Variants in SPTA1 observed in about 807,000 individuals in gnomAD.
SPTA1 encodes the protein spectrin alpha chain, erythrocytic 1.
Under a neutral mutation model 324.7 loss-of-function variants are expected in SPTA1, and 177 were observed. The ratio of observed to expected loss-of-function variants is 0.55; its 90% CI spans 0.48 to 0.62. SPTA1 has a LOEUF of 0.62. SPTA1 is among the 20% of genes least tolerant of loss of function. The pLI, the probability that SPTA1 is intolerant of heterozygous loss-of-function variation, is 0.00. For synonymous variants in SPTA1, 1,195 were observed against 1,041.3 expected (o/e 1.15, Z -2.84); for missense variants, 3,162 against 2,883.6 (o/e 1.10, Z -2.21).
chr1:158,685,381 T>C (rs987799106), intron 1 of SPTA1, 34 bp from the exon 2 acceptor site: 3 of 1,608,616 alleles, frequency 1.9e-6, no homozygotes, highest in Non-Finnish European at 1.7e-6. Flanking sequence ...ACTTGCTAGT[T>C]CTCAAATATT....
Position 158,678,480 on chromosome 1 carries a change from C to G in SPTA1, c.733G>C (p.Ala245Pro). ...IQSKQNEVNA[A>P]WERLRGLALQ... Reference sequence around the variant, plus strand: ...GCCAAACCACGAAGGCGCTCCCAGGCAGCATTCACCTCATTTTGCTTAGAC... The same window carrying G: ...GCCAAACCACGAAGGCGCTCCCAGGGAGCATTCACCTCATTTTGCTTAGAC... Residue 245 changes from alanine (A) to proline (P), a missense_variant, in exon 6 of 52, where the codon GCC (alanine) becomes CCC (proline). Transcript: ENST00000643759. 1 of 1,613,736 alleles carries G rather than the reference C, an allele frequency of 6.2e-7. No individual in the cohort carries two copies. The highest frequency in any genetic ancestry group is 1.1e-5 in the South Asian group (1 of 91,078).
chr1:158,681,500 G>C (rs1654805335), intron 4 of SPTA1, 27 bp downstream of exon 4: 1 of 1,613,392 alleles, frequency 6.2e-7, no homozygotes, highest in Non-Finnish European at 8.5e-7. Flanking sequence ...GGGAGGCCCT[G>C]TGTGATTGCT....
chr1:158,612,305 C>T, intron 51 of SPTA1: 1 of 183,140 alleles, frequency 5.5e-6, no homozygotes, highest in Non-Finnish European at 1.1e-5. Context: ...TTCCCTGATG[C>T]AAGTATTTTA....
In SPTA1 at chr1:158,671,420, G is replaced by A. The variant is rs1416164852; in HGVS notation, c.1522C>T (p.Leu508=). Residue 508 remains leucine, a synonymous_variant, in exon 12 of 52, where the codon CTG becomes TTG. Coordinates refer to ENST00000643759, the MANE Select transcript of SPTA1 (RefSeq NM_003126.4). ...FLENEDLGNS[L]GSAEALLQKH... ...TGAAGAAGGGCTTCTGCACTGCCCA[G>A]TGAGTTTCCCAGATCCTCGTTTTCC... The A allele has an allele frequency of 3.7e-6, 6 of 1,613,074 alleles. No individual in the cohort carries two copies. The African/African-American group carries it at 8.0e-5, about 22-fold the overall frequency.
rs765768719 is a variant in SPTA1 at position 158,651,371 on chromosome 1, C to A, written c.3473G>T (p.Arg1158Leu). Residue 1158 changes from arginine to leucine, a missense_variant, in exon 24 of 52, where the codon CGG becomes CTG. By Grantham distance (102) the Arg-to-Leu change is moderately radical. Transcript: ENST00000643759. The stretch of plus-strand genomic sequence containing the variant: ...AATGGAGGGAGCCTTAGTTACCTGC[C>A]GGATTTGAGCTCCTTCTGGTGTTAG... ...GLLTPEGAQIRQELNSRWGSL... is the reference protein window; with the variant it reads ...GLLTPEGAQILQELNSRWGSL... 6.2e-7 allele frequency: 1 copy of A among 1,612,000 alleles called. No homozygotes were observed. The highest frequency in any genetic ancestry group is 1.1e-5 in the South Asian group (1 of 91,008).
chr1:158,685,085 G>A (rs1655069170), intron 2 of SPTA1, 23 bp downstream of exon 2: 6 of 1,613,304 alleles, frequency 3.7e-6, no homozygotes, highest in East Asian at 2.2e-5. Flanking sequence ...TCTGCTCTGA[G>A]GCAATCAAGA....
At chr1:158,661,050 T>G (rs557542821) in intron 18 of SPTA1, among the ~76,000 whole-genome samples, 1 of 152,294 alleles carries the variant, frequency 6.6e-6, no homozygotes, top group African/African-American at 2.4e-5. Context: ...TAAAGACATT[T>G]TACTTTAATA....
chr1:158,672,234 T>C (rs765113594), intron 10 of SPTA1, 38 bp from the exon 11 acceptor site: 2 of 1,557,176 alleles, frequency 1.3e-6, no homozygotes, highest in South Asian at 2.3e-5. Flanking sequence ...GGAAGATAAT[T>C]AATTTATTTT....
At chr1:158,647,763 C>T in intron 26 of SPTA1, 43 bp from the exon 27 acceptor site, 2 of 1,609,250 alleles carry the variant, frequency 1.2e-6, no homozygotes, top group East Asian at 2.2e-5. Flanking sequence ...TAGAGACACA[C>T]CTGAATCTTA....
intron 1 of SPTA1, 45 bp downstream of exon 1, chr1:158,686,449 A>G (rs1655182164): frequency 1.5e-6 from 2 of 1,299,288 alleles, no homozygotes; most frequent in East Asian, 2.3e-5. Flanking sequence ...CATCTTTCCT[A>G]ATAATATTAA....
At chr1:158,650,070 T>A in intron 24 of SPTA1, 123 bp from the exon 25 acceptor site, 2 of 761,342 alleles carry the variant, frequency 2.6e-6, no homozygotes, top group South Asian at 1.6e-5. Context: ...AGAAATTGCA[T>A]AGCTTTGCTT....
intron 29 of SPTA1, 33 bp from the exon 30 acceptor site, chr1:158,644,429 AGTCCAT>A (rs1424598322): frequency 6.2e-7 from 1 of 1,613,282 alleles, no homozygotes; most frequent in African/African-American, 1.3e-5. Flanking sequence ...GGTATGGTAT[AGTCCAT>A]GTGGTGTGGA....
At chr1:158,684,348 G>T (rs1033604082) in intron 2 of SPTA1, among the ~76,000 whole-genome samples, 2 of 152,020 alleles carry the variant, frequency 1.3e-5, no homozygotes, top group East Asian at 1.9e-4. Flanking sequence ...TGAGAAGAGT[G>T]GAGGACAGTT....
chr1:158,634,791 C>T lies in SPTA1; in HGVS notation c.5433-116G>A. On this transcript the variant is annotated intron_variant, in intron 38 of 51. Coordinates refer to ENST00000643759, the MANE Select transcript of SPTA1 (RefSeq NM_003126.4). ...CCAGCTTATTCTCACAAGGCAGCCA[C>T]AGTTGAAGTGGGCCTCAACACAGTA... is the stretch of plus-strand genomic sequence containing the variant. 12 of 1,237,858 alleles carry T rather than the reference C, an allele frequency of 9.7e-6. 1 individual carries two copies. Among genetic ancestry groups the T allele is most frequent in the African/African-American group, 1.5e-5 (1 of 67,620 alleles). 76.7% of individuals were successfully genotyped at this position (1,237,858 alleles called of 1,614,324 possible).
In SPTA1 at chr1:158,634,651, T is replaced by C. The variant is rs186994154; in HGVS notation, c.5457A>G (p.Leu1819=). ...KARGLKLEES[L]EYLQFMQNAE... is the part of the protein sequence containing the mutation. ...CATTCTGCATGAATTGCAAGTATTC[T>C]AGGGATTCTTCCAACTTAAGTCCTC... is the stretch of plus-strand genomic sequence containing the variant. The change falls in exon 39 of 52, where the codon CTA becomes CTG. Residue 1819 remains leucine (L), a synonymous_variant. Transcript: ENST00000643759. 1.7e-4 allele frequency: 273 copies of C among 1,614,178 alleles called. No individual in the cohort carries two copies. The African/African-American group carries it at 3.1e-3, about 18-fold the overall frequency.
chr1:158,681,965 T>G (rs186665739), intron 3 of SPTA1, among the ~76,000 whole-genome samples: 1 of 152,182 alleles, frequency 6.6e-6, no homozygotes, highest in African/African-American at 2.4e-5. Context: ...AAGTGTTCAT[T>G]TGAACTGAGC....
chr1:158,653,328 C>T lies in SPTA1; in HGVS notation c.3134G>A (p.Arg1045Gln), dbSNP rs202042176. 5.0e-6 allele frequency: 8 copies of T among 1,614,074 alleles called. No homozygotes were observed. The highest frequency in any genetic ancestry group is 1.3e-5 in the African/African-American group (1 of 74,990). The change falls in exon 22 of 52, where the codon CGG becomes CAG. Residue 1045 changes from arginine (R) to glutamine (Q), a missense_variant. Transcript: ENST00000643759. ...GATGTTTCCTGGCTCTTCTCGTCGC[C>T]GCTGTGGGAGCATCGGGAACTCATC... is the stretch of plus-strand genomic sequence containing the variant. ...AHDEFPMLPQ[R>Q]RREEPGNITQ...
chr1:158,617,738 C>T, intron 46 of SPTA1, 150 bp from the exon 47 acceptor site: 1 of 796,698 alleles, frequency 1.3e-6, no homozygotes, highest in South Asian at 1.5e-5. Flanking sequence ...TTTTCACAAC[C>T]TTGCCAGACT....
chr1:158,659,899 C>T lies in SPTA1; in HGVS notation c.2587+1388G>A, dbSNP rs993092912. Among the ~76,000 whole-genome samples, 23 of 61,368 alleles carry T rather than the reference C, an allele frequency of 3.7e-4. 4 individuals carry two copies. Among genetic ancestry groups the T allele is most frequent in the Non-Finnish European group, 5.0e-4 (19 of 38,048 alleles). The allele number at this position is 61,368 out of a possible 152,430, so 40.3% of individuals were successfully genotyped here. A position where few individuals can be genotyped will look rare whatever the true frequency, so the allele number is the denominator to read the frequency against. ...TGCTGGGATTACAGGCGTGAGCCACCGCGCCCGGCCTAGTCTTAGCATTAT... is the reference window on the plus strand; with the variant it reads ...TGCTGGGATTACAGGCGTGAGCCACTGCGCCCGGCCTAGTCTTAGCATTAT... On this transcript the variant is annotated intron_variant, in intron 18 of 51. Coordinates refer to ENST00000643759, the MANE Select transcript of SPTA1 (RefSeq NM_003126.4).
Sources: gnomAD v4.1 joint callset for allele counts (sites outside exome capture counted in the v4.1 genomes callset) on GRCh38, gnomAD v4.1.1 for gene constraint, MANE v1.5 for transcripts, NCBI Gene and HGNC (gene_info 2026-07-23, HGNC 2026-07-21) for gene names.